The following COPG1 variants were observed in gnomAD, a reference collection of about 807,000 sequenced individuals.
COPG1 encodes the protein coatomer subunit gamma-1.
Under a neutral mutation model 102.8 loss-of-function variants are expected in COPG1, and 29 were observed. The observed-to-expected ratio is 0.28, with a 90% CI of 0.21 to 0.38. The LOEUF (loss-of-function observed/expected upper bound fraction) is 0.38, where lower values mean the gene tolerates loss of function less well. Among genes scored for constraint, COPG1 ranks in the 10% least tolerant of loss-of-function variants. The pLI is 1.00. For synonymous variants in COPG1, 406 were observed against 421.6 expected (o/e 0.96, Z 0.45); for missense variants, 875 against 1,132.7 (o/e 0.77, Z 3.27).
At chr3:129,265,515 C>G (rs2107676970) in intron 13 of COPG1, 34 bp from the exon 14 acceptor site, 2 of 1,610,414 alleles carry the variant, frequency 1.2e-6, no homozygotes, top group East Asian at 4.5e-5. Flanking sequence ...CTGGAGAGAG[C>G]AGGCTCCTTG....
At position 129,271,247 on chromosome 3, in the gene COPG1, A is replaced by G. The variant is rs373999940; in HGVS notation, c.1844-520A>G. On this transcript the variant is annotated intron_variant, in intron 18 of 23. Coordinates refer to ENST00000314797, the MANE Select transcript of COPG1 (RefSeq NM_016128.4). The surrounding 1 kb of genome is among the most constrained non-coding windows in gnomAD (Gnocchi z 4.7). ...AGGGTGTAGGGATAGGTCTTACCAG[A>G]CACAAACAATTCTAAGTTAGGTTTT... is the stretch of plus-strand genomic sequence containing the variant. Among the ~76,000 whole-genome samples the G allele has an allele frequency of 6.6e-6, 1 of 152,314 alleles. No homozygotes were observed. Among genetic ancestry groups the G allele is most frequent in the Non-Finnish European group, 1.5e-5 (1 of 68,018 alleles).
chr3:129,273,296 T>G (rs1190014174), intron 21 of COPG1, among the ~76,000 whole-genome samples: 1 of 152,236 alleles, frequency 6.6e-6, no homozygotes, highest in Non-Finnish European at 1.5e-5. Flanking sequence ...AGTGTTGGGA[T>G]TACAGGCGTG....
Position 129,277,620 on chromosome 3 carries a change from T to A in COPG1, c.*196T>A, listed in dbSNP as rs866187890. On this transcript the variant is annotated 3_prime_UTR_variant, in exon 24 of 24. Coordinates refer to ENST00000314797, the MANE Select transcript of COPG1 (RefSeq NM_016128.4). ...TGGTGACTTTTTTTTTTTTTTTTTT[T>A]AAATAGGGGATGATTTTAGCTTGTC... is the stretch of plus-strand genomic sequence containing the variant. The A allele has an allele frequency of 5.2e-4, 257 of 491,604 alleles. 1 individual carries two copies. The highest frequency in any genetic ancestry group is 3.4e-3 in the African/African-American group (164 of 48,132). The allele number at this position is 491,604 out of a possible 1,614,324, so 30.5% of individuals were successfully genotyped here.
In COPG1 at chr3:129,277,594, C is replaced by G; in HGVS notation, c.*170C>G. ...CCCACCTCCCACCCGGGACTACTTG[C>G]TGGTGACTTTTTTTTTTTTTTTTTT... On this transcript the variant is annotated 3_prime_UTR_variant, in exon 24 of 24. Transcript: ENST00000314797. The G allele has an allele frequency of 4.3e-6, 2 of 470,298 alleles. No individual in the cohort carries two copies. The highest frequency in any genetic ancestry group is 7.1e-6 in the Non-Finnish European group (2 of 279,760). The allele number at this position is 470,298 out of a possible 1,614,324, so 29.1% of individuals were successfully genotyped here.
In COPG1 at chr3:129,249,608, T is replaced by TC; in HGVS notation, c.-101dup. On this transcript the variant is annotated 5_prime_UTR_variant, in exon 1 of 24. Transcript: ENST00000314797. ...GCAGAGCGCTGGGCGACGTGGCCAG[T>TC]CGGGGCCCGGAAGTGGTCCCTGTAG... The TC allele has an allele frequency of 7.3e-7, 1 of 1,370,932 alleles. No homozygotes were observed. Among genetic ancestry groups the TC allele is most frequent in the Non-Finnish European group, 1.0e-6 (1 of 997,432 alleles). 84.9% of individuals were successfully genotyped at this position (1,370,932 alleles called of 1,614,324 possible).
In COPG1 at chr3:129,275,241, A is replaced by C. The variant is rs201395019; in HGVS notation, c.2443A>C (p.Arg815=). Reference sequence around the variant, plus strand: ...GTTCTTGGGAATGCACCCTTGTGAGAGGTCAGACAAAGTGCCGGATAACAA... The same window carrying C: ...GTTCTTGGGAATGCACCCTTGTGAGCGGTCAGACAAAGTGCCGGATAACAA... ...VKFLGMHPCE[R]SDKVPDNKNT... The change falls in exon 23 of 24, where the codon AGG becomes CGG. Residue 815 remains arginine, a synonymous_variant. Transcript: ENST00000314797. This position sits in a 1 kb window ranked among gnomAD's most constrained non-coding sequence, Gnocchi z 5.0. 8.5e-5 allele frequency: 137 copies of C among 1,614,222 alleles called. No individual in the cohort carries two copies. Among genetic ancestry groups the C allele is most frequent in the Non-Finnish European group, 1.1e-4 (132 of 1,180,038 alleles).
intron 11 of COPG1, 84 bp downstream of exon 11, chr3:129,260,484 A>T: frequency 6.6e-7 from 1 of 1,525,404 alleles, no homozygotes. Flanking sequence ...TGGGAAGGAT[A>T]ATAGCCCTGG....
chr3:129,267,477 C>CG (rs1214635773), intron 15 of COPG1, among the ~76,000 whole-genome samples: 1 of 152,006 alleles, frequency 6.6e-6, no homozygotes, highest in Non-Finnish European at 1.5e-5. Flanking sequence ...AAAAATTAGC[C>CG]AGGTGTGGTG....
chr3:129,265,847 C>A (rs1940047048), intron 14 of COPG1, 55 bp downstream of exon 14: 13 of 1,575,708 alleles, frequency 8.3e-6, no homozygotes, highest in Non-Finnish European at 1.1e-5. Context: ...GAATAAATGT[C>A]CCAGCAAAGG....
intron 14 of COPG1, 27 bp from the exon 15 acceptor site, chr3:129,266,997 T>C (rs1282116612): frequency 6.2e-7 from 1 of 1,607,940 alleles, no homozygotes; most frequent in African/African-American, 1.3e-5. Flanking sequence ...GTGCATTGGG[T>C]AAATCACATT....
At chr3:129,273,204 G>A (rs6762578) in intron 21 of COPG1, among the ~76,000 whole-genome samples, 124,548 of 152,012 alleles carry the variant, frequency 0.82, 51,349 homozygotes, top group African/African-American at 0.9. Context: ...TTGTATTTTT[G>A]GTAGAGATAG....
In COPG1 at chr3:129,267,073, A is replaced by T; in HGVS notation, c.1518A>T (p.Leu506Phe). ...TTGGAGCCCAGAATGAAGAGATGTT[A>T]CCCAGTATCTTGGTGTTGCTGAAGA... ...AKFGAQNEEM[L>F]PSILVLLKRC... Residue 506 changes from leucine to phenylalanine, a missense_variant, in exon 15 of 24, where the codon TTA becomes TTT. Leu to Phe is a conservative substitution (Grantham distance 22, BLOSUM62 0). Coordinates refer to ENST00000314797, the MANE Select transcript of COPG1 (RefSeq NM_016128.4). The T allele has an allele frequency of 6.2e-7, 1 of 1,613,766 alleles. No individual in the cohort carries two copies. The highest frequency in any genetic ancestry group is 8.5e-7 in the Non-Finnish European group (1 of 1,179,808).
At chr3:129,255,729 C>T (rs900442367) in intron 7 of COPG1, among the ~76,000 whole-genome samples, 3 of 152,072 alleles carry the variant, frequency 2.0e-5, no homozygotes, top group South Asian at 2.1e-4. Context: ...GTGATCCACC[C>T]GCCTCGGCCT....
chr3:129,254,815 T>G (rs1300611785), intron 6 of COPG1, 72 bp downstream of exon 6: 1 of 1,430,544 alleles, frequency 7.0e-7, no homozygotes, highest in East Asian at 2.3e-5. Flanking sequence ...TTGCATTCTT[T>G]GGGGTGTCCC....
intron 23 of COPG1, 120 bp from the exon 24 acceptor site, chr3:129,277,174 C>T: frequency 9.9e-7 from 1 of 1,006,208 alleles, no homozygotes; most frequent in African/African-American, 1.6e-5. Flanking sequence ...TTCAGCCCAG[C>T]TCTCCTGCCC....
At position 129,257,466 on chromosome 3, in the gene COPG1, A is replaced by G. The variant is rs916584489; in HGVS notation, c.580-4A>G. ...GTACTCTGTTGCTGTCTCCTGTCCT[A>G]TAGTACCACGCACTAGGGCTCCTGT... On this transcript the variant is annotated splice_polypyrimidine_tract_variant and splice_region_variant and intron_variant, in intron 8 of 23. Coordinates refer to ENST00000314797, the MANE Select transcript of COPG1 (RefSeq NM_016128.4). 3.7e-6 allele frequency: 6 copies of G among 1,614,132 alleles called. No individual in the cohort carries two copies. Among genetic ancestry groups the G allele is most frequent in the South Asian group, 2.2e-5 (2 of 91,080 alleles).
intron 2 of COPG1, 46 bp downstream of exon 2, chr3:129,250,780 C>T (rs973882890): frequency 6.7e-7 from 1 of 1,502,304 alleles, no homozygotes; most frequent in African/African-American, 1.4e-5. Context: ...AAATATTCAC[C>T]ACCAATGCAA....
At position 129,251,371 on chromosome 3, in the gene COPG1, T is replaced by TTA. The variant is rs58203832; in HGVS notation, c.90+653_90+654dup. Among the ~76,000 whole-genome samples, 548 of 146,660 alleles carry TTA rather than the reference T, an allele frequency of 3.7e-3. 1 individual carries two copies. The highest frequency in any genetic ancestry group is 7.2e-3 in the Middle Eastern group (2 of 278). On this transcript the variant is annotated intron_variant, in intron 2 of 23. Transcript: ENST00000314797. ...TGTTTATTTTTATTATATATATTTTTTATATATATATATATATGTATTTTT... is the reference window on the plus strand; with the variant it reads ...TGTTTATTTTTATTATATATATTTTTTATATATATATATATATATGTATTTTT...
chr3:129,255,102 G>C lies in COPG1; in HGVS notation c.492+25G>C, dbSNP rs551241576. On this transcript the variant is annotated intron_variant, in intron 7 of 23. Transcript: ENST00000314797. ...GGTGTGTAGTTGCTGCTGGAGCCCT[G>C]CTGGGGGTGGGGTAGAAAATTGAAG... The C allele has an allele frequency of 4.2e-5, 63 of 1,513,178 alleles. No homozygotes were observed. The South Asian group carries it at 5.7e-4, about 14-fold the overall frequency. The allele number at this position is 1,513,178 out of a possible 1,614,324, so 93.7% of individuals were successfully genotyped here. A position where few individuals can be genotyped will look rare whatever the true frequency, so the allele number is the denominator to read the frequency against.
Sources: allele counts gnomAD v4.1 joint callset (sites outside exome capture counted in the v4.1 genomes callset), GRCh38; gene constraint gnomAD v4.1.1; non-coding constraint Gnocchi (gnomAD v3.1); transcripts MANE v1.5; gene names NCBI Gene and HGNC (gene_info 2026-07-23, HGNC 2026-07-21).